The following TMEM132C variants were observed in gnomAD, a reference collection of about 807,000 sequenced individuals.
The protein encoded by TMEM132C is transmembrane protein 132C.
Under a neutral mutation model 61.4 loss-of-function variants are expected in TMEM132C, and 29 were observed. The ratio of observed to expected loss-of-function variants is 0.47; its 90% CI spans 0.35 to 0.64. TMEM132C has a LOEUF of 0.64. Ranked by LOEUF, TMEM132C falls within the 30% of genes least tolerant of loss-of-function variation. The pLI is 0.00. For synonymous variants in TMEM132C, 656 were observed against 633.1 expected, an observed-to-expected ratio of 1.04 and a Z score of -0.54; for missense variants, 1,408 against 1,476.9, an observed-to-expected ratio of 0.95 and a Z score of 0.76.
chr12:128,301,357 C>A (rs1202349121), intron 1 of TMEM132C, among the ~76,000 whole-genome samples: 1 of 152,180 alleles, frequency 6.6e-6, no homozygotes, highest in Admixed American at 6.5e-5. Flanking sequence ...CCAGTAGTTG[C>A]CCCTTAAAAT....
At chr12:128,548,827 T>C (rs78729812) in intron 3 of TMEM132C, among the ~76,000 whole-genome samples, 4,489 of 152,296 alleles carry the variant, frequency 0.029, 263 homozygotes, top group African/African-American at 0.1. Flanking sequence ...AATAATATGG[T>C]ATCACAGTAA....
intron 1 of TMEM132C, among the ~76,000 whole-genome samples, chr12:128,307,511 A>G (rs1194210331): frequency 4.6e-5 from 7 of 152,234 alleles, no homozygotes; most frequent in African/African-American, 1.4e-4. Context: ...ATTGTTTTGC[A>G]GGATAAATTT....
intron 2 of TMEM132C, among the ~76,000 whole-genome samples, chr12:128,518,264 A>G (rs1269110663): frequency 6.6e-6 from 1 of 152,202 alleles, no homozygotes; most frequent in Non-Finnish European, 1.5e-5. Context: ...AAGCACCTAG[A>G]TATATATTCT....
At chr12:128,531,031 G>C (rs1432461487) in intron 2 of TMEM132C, among the ~76,000 whole-genome samples, 1 of 152,204 alleles carries the variant, frequency 6.6e-6, no homozygotes, top group Non-Finnish European at 1.5e-5. Context: ...AGAAGAGAAG[G>C]AGAGGAATGG....
chr12:128,565,414 G>A (rs1807612059), intron 3 of TMEM132C, among the ~76,000 whole-genome samples: 1 of 152,250 alleles, frequency 6.6e-6, no homozygotes, highest in South Asian at 2.1e-4. Context: ...TTAAACCACA[G>A]ATTTTAGGGT....
chr12:128,303,245 C>T (rs763241555), intron 1 of TMEM132C, among the ~76,000 whole-genome samples: 1 of 152,292 alleles, frequency 6.6e-6, no homozygotes. Context: ...GATACTATGA[C>T]AGCAGGAATA....
intron 1 of TMEM132C, among the ~76,000 whole-genome samples, chr12:128,304,822 C>A (rs1255781902): frequency 6.6e-6 from 1 of 152,156 alleles, no homozygotes; most frequent in African/African-American, 2.4e-5. Flanking sequence ...GATAAAGGTG[C>A]ATCTGGCCAC....
chr12:128,321,144 T>A (rs201212705), intron 1 of TMEM132C, among the ~76,000 whole-genome samples: 8,994 of 83,870 alleles, frequency 0.11, 368 homozygotes, highest in East Asian at 0.16. Flanking sequence ...TGAAAAATAA[T>A]AATAATAATA....
At chr12:128,612,812 C>A (rs772596763) in intron 3 of TMEM132C, among the ~76,000 whole-genome samples, 1 of 152,212 alleles carries the variant, frequency 6.6e-6, no homozygotes, top group Non-Finnish European at 1.5e-5. Context: ...AGGAAAAATA[C>A]CCCTTCTCTT....
chr12:128,622,361 ATATATATATATATATATATATATATAT>A, intron 4 of TMEM132C, among the ~76,000 whole-genome samples: 2 of 38,174 alleles, frequency 5.2e-5, no homozygotes, highest in East Asian at 1.5e-3. Context: ...AAAAAAAAAA[ATATATATATATATATATATATATATAT>A]ATATATATAT....
chr12:128,582,809 A>T (rs895009457), intron 3 of TMEM132C, among the ~76,000 whole-genome samples: 8 of 152,138 alleles, frequency 5.3e-5, no homozygotes, highest in Non-Finnish European at 8.8e-5. Context: ...AAACAGACTG[A>T]TATACCCAGG....
At chr12:128,432,461 CAG>C (rs1223223133) in intron 2 of TMEM132C, among the ~76,000 whole-genome samples, 1 of 152,070 alleles carries the variant, frequency 6.6e-6, no homozygotes, top group East Asian at 1.9e-4. Flanking sequence ...TCAATATTAA[CAG>C]GGTTTTAGAA....
chr12:128,308,259 T>C (rs1871848831), intron 1 of TMEM132C, among the ~76,000 whole-genome samples: 1 of 152,222 alleles, frequency 6.6e-6, no homozygotes. Flanking sequence ...CAGGAGTCCA[T>C]AATAGTCTGT....
At chr12:128,410,392 T>A (rs1868494292) in intron 1 of TMEM132C, among the ~76,000 whole-genome samples, 1 of 152,106 alleles carries the variant, frequency 6.6e-6, no homozygotes, top group Admixed American at 6.5e-5. Flanking sequence ...CATATATATG[T>A]ATATGTATAT....
intron 2 of TMEM132C, among the ~76,000 whole-genome samples, chr12:128,489,562 C>CATATATATATATATATATATATATAT (rs10654008): frequency 1.4e-4 from 20 of 138,384 alleles, no homozygotes; most frequent in South Asian, 7.1e-4. Flanking sequence ...TTTATATGCT[C>CATATATATATATATATATATATATAT]ATATATATAT....
intron 2 of TMEM132C, among the ~76,000 whole-genome samples, chr12:128,485,070 C>A (rs1369348338): frequency 2.0e-5 from 3 of 152,096 alleles, no homozygotes. Flanking sequence ...CAGGCTTTCA[C>A]AAAAATAAAA....
intron 3 of TMEM132C, among the ~76,000 whole-genome samples, chr12:128,591,350 C>T (rs1278619281): frequency 1.3e-5 from 2 of 152,156 alleles, no homozygotes; most frequent in African/African-American, 2.4e-5. Context: ...CGTTTCGTGT[C>T]AGTGGAATCA....
intron 3 of TMEM132C, among the ~76,000 whole-genome samples, chr12:128,604,234 TTGGA>T: frequency 6.6e-6 from 1 of 151,986 alleles, no homozygotes; most frequent in Non-Finnish European, 1.5e-5. Flanking sequence ...GATGAATAGA[TTGGA>T]TGGATGGATT....
chr12:128,570,411 T>C lies in TMEM132C; in HGVS notation c.1121+26308T>C, dbSNP rs1874836963. On this transcript the variant is annotated intron_variant, in intron 3 of 8. Coordinates refer to ENST00000435159, the MANE Select transcript of TMEM132C (RefSeq NM_001136103.3). This position sits in a 1 kb window ranked among gnomAD's most constrained non-coding sequence, Gnocchi z 4.7. ...GCACGTCAGAGAAAAACTGCTCTGA[T>C]GAATGGGTCTTGGGTTAGACTTCAT... Among the ~76,000 whole-genome samples the C allele has an allele frequency of 6.6e-6, 1 of 152,256 alleles. No homozygotes were observed. The highest frequency in any genetic ancestry group is 6.5e-5 in the Admixed American group (1 of 15,282).
Sources: allele counts gnomAD v4.1 joint callset (sites outside exome capture counted in the v4.1 genomes callset), GRCh38; gene constraint gnomAD v4.1.1; non-coding constraint Gnocchi (gnomAD v3.1); transcripts MANE v1.5; gene names NCBI Gene and HGNC (gene_info 2026-07-23, HGNC 2026-07-21).